Variants in TAF3 observed in about 807,000 individuals in gnomAD.
The protein encoded by TAF3 is transcription initiation factor TFIID subunit 3.
TAF3 carries 7 observed loss-of-function variants against 80.6 expected under a neutral mutation model. The ratio of observed to expected loss-of-function variants is 0.09; its 90% CI spans 0.05 to 0.16. The LOEUF (loss-of-function observed/expected upper bound fraction) is 0.16, where lower values mean the gene tolerates loss of function less well. Among genes scored for constraint, TAF3 ranks in the 10% least tolerant of loss-of-function variants. The probability of loss-of-function intolerance (pLI) is 1.00; values close to 1 mark genes in which losing one functional copy is unlikely to be tolerated. For missense variants in TAF3, 921 were observed against 1,140.2 expected (o/e 0.81, Z 2.77); for synonymous variants, 444 against 446.1 (o/e 1.00, Z 0.06).
intron 2 of TAF3, among the ~76,000 whole-genome samples, chr10:7,925,363 T>G (rs1837804686): frequency 6.6e-6 from 1 of 152,252 alleles, no homozygotes; most frequent in East Asian, 1.9e-4. Context: ...CACCTTGGCT[T>G]AGTTGTAGGC....
At chr10:8,013,921 C>A in intron 6 of TAF3, 84 bp downstream of exon 6, 1 of 1,197,082 alleles carries the variant, frequency 8.4e-7, no homozygotes, top group Non-Finnish European at 1.2e-6. Flanking sequence ...GAGTAGATTC[C>A]TGCCTTTGGA....
At chr10:7,942,097 A>G (rs1837981884) in intron 2 of TAF3, among the ~76,000 whole-genome samples, 1 of 152,126 alleles carries the variant, frequency 6.6e-6, no homozygotes, top group Non-Finnish European at 1.5e-5. Context: ...TGACAAGTTG[A>G]CATTTTTATT....
intron 2 of TAF3, among the ~76,000 whole-genome samples, chr10:7,854,693 A>C (rs1837061753): frequency 6.6e-6 from 1 of 152,138 alleles, no homozygotes; most frequent in Non-Finnish European, 1.5e-5. Flanking sequence ...CTAGGAAATC[A>C]GGAAGCTAGG....
intron 2 of TAF3, chr10:7,833,920 TG>T: frequency 1.7e-6 from 1 of 583,052 alleles, no homozygotes; most frequent in South Asian, 6.7e-5. Flanking sequence ...CGTGTGGAAG[TG>T]GGGCTTCAAG....
At position 7,937,430 on chromosome 10, in the gene TAF3, A is replaced by G. The variant is rs1311209014; in HGVS notation, c.410-26490A>G. Among the ~76,000 whole-genome samples the G allele has an allele frequency of 2.6e-5, 4 of 152,196 alleles. No homozygotes were observed. The East Asian group carries it at 5.8e-4, about 22-fold the overall frequency. On this transcript the variant is annotated intron_variant, in intron 2 of 6. Coordinates refer to ENST00000344293, the MANE Select transcript of TAF3 (RefSeq NM_031923.4). ...TTTTAATTTCCATTCTCCTAATAAC[A>G]TATAATGTGGAACATCTTTTCATCT...
At chr10:7,907,203 G>A (rs2131176445) in intron 2 of TAF3, among the ~76,000 whole-genome samples, 1 of 152,196 alleles carries the variant, frequency 6.6e-6, no homozygotes, top group South Asian at 2.1e-4. Context: ...CACCTGTGTT[G>A]GGGTGCAGTT....
At chr10:7,884,392 C>CTTTT (rs61498355) in intron 2 of TAF3, among the ~76,000 whole-genome samples, 2 of 120,500 alleles carry the variant, frequency 1.7e-5, no homozygotes, top group African/African-American at 5.7e-5. Context: ...GCTCTGCCTC[C>CTTTT]TTTTTTTTTT....
At chr10:7,824,631 G>C in intron 2 of TAF3, 71 bp downstream of exon 2, 1 of 1,512,932 alleles carries the variant, frequency 6.6e-7, no homozygotes, top group South Asian at 1.3e-5. Context: ...AGCTTTCCAT[G>C]CTATGTCAAC....
At chr10:7,958,941 T>C (rs1838162985) in intron 2 of TAF3, among the ~76,000 whole-genome samples, 1 of 152,154 alleles carries the variant, frequency 6.6e-6, no homozygotes, top group Non-Finnish European at 1.5e-5. Flanking sequence ...GAGACCATCC[T>C]GGCTAACATG....
At chr10:7,963,799 A>C (rs1831537260) in intron 2 of TAF3, 121 bp from the exon 3 acceptor site, 2 of 1,058,346 alleles carry the variant, frequency 1.9e-6, no homozygotes, top group Non-Finnish European at 2.6e-6. Flanking sequence ...CCTAGAACTT[A>C]AAGTATAATA....
intron 2 of TAF3, among the ~76,000 whole-genome samples, chr10:7,957,186 C>G (rs752515046): frequency 6.6e-6 from 1 of 152,118 alleles, no homozygotes; most frequent in Non-Finnish European, 1.5e-5. Flanking sequence ...AGCATTAATA[C>G]CTATCCAGAA....
At chr10:7,883,855 G>A (rs1025389504) in intron 2 of TAF3, among the ~76,000 whole-genome samples, 3 of 152,194 alleles carry the variant, frequency 2.0e-5, no homozygotes, top group Non-Finnish European at 4.4e-5. Flanking sequence ...ATGGCAGTTG[G>A]GAAGTACAAG....
Position 7,841,501 on chromosome 10 carries a change from C to T in TAF3, c.409+16941C>T, listed in dbSNP as rs61833211. ...CATCAGAGGTCTCTAACCTAGTGTG[C>T]TTACAGGAATAAGGGAATCAATGGA... On this transcript the variant is annotated intron_variant, in intron 2 of 6. Coordinates refer to ENST00000344293, the MANE Select transcript of TAF3 (RefSeq NM_031923.4). Among the ~76,000 whole-genome samples, 738 of 152,286 alleles carry T rather than the reference C, an allele frequency of 4.8e-3. 4 individuals carry two copies. Among genetic ancestry groups the T allele is most frequent in the Non-Finnish European group, 8.0e-3 (546 of 68,018 alleles).
In TAF3 at chr10:8,009,198, C is replaced by CGTGCCG. The variant is rs1481776617; in HGVS notation, c.2437_2442dup (p.Val813_Pro814dup). On this transcript the variant is annotated inframe_insertion, in exon 5 of 7. Transcript: ENST00000344293. This position sits in a 1 kb window ranked among gnomAD's most constrained non-coding sequence, Gnocchi z 4.1. ...GCCCCATGCTCGTCAGCCCTGCGCC[C>CGTGCCG]GTGCCGCTGCCGCTGCTCGCCCAGG... is the stretch of plus-strand genomic sequence containing the variant. 1.7e-5 allele frequency: 24 copies of CGTGCCG among 1,451,798 alleles called. No homozygotes were observed. The highest frequency in any genetic ancestry group is 2.1e-5 in the Non-Finnish European group (23 of 1,102,530). 89.9% of individuals were successfully genotyped at this position (1,451,798 alleles called of 1,614,324 possible).
chr10:7,861,365 C>G (rs557216273), intron 2 of TAF3, among the ~76,000 whole-genome samples: 15 of 151,902 alleles, frequency 9.9e-5, no homozygotes, highest in Non-Finnish European at 2.1e-4. Flanking sequence ...CTTGTCCTCC[C>G]AAAGTGCTGG....
intron 2 of TAF3, among the ~76,000 whole-genome samples, chr10:7,876,420 C>T (rs536146767): frequency 6.6e-6 from 1 of 152,208 alleles, no homozygotes; most frequent in East Asian, 1.9e-4. Flanking sequence ...GGGCCATAAG[C>T]AGGTATTTTA....
rs989804218 is a variant in TAF3 at position 7,818,557 on chromosome 10, T to C, written c.-153T>C. The C allele has an allele frequency of 6.4e-5, 49 of 762,856 alleles. No individual in the cohort carries two copies. The highest frequency in any genetic ancestry group is 8.1e-5 in the Non-Finnish European group (42 of 517,292). 47.3% of individuals were successfully genotyped at this position (762,856 alleles called of 1,614,324 possible). A position where few individuals can be genotyped will look rare whatever the true frequency, so the allele number is the denominator to read the frequency against. On this transcript the variant is annotated 5_prime_UTR_variant, in exon 1 of 7. Coordinates refer to ENST00000344293, the MANE Select transcript of TAF3 (RefSeq NM_031923.4). ...GCGGCTCTCAGGCTGGCGCGCTCCG[T>C]GCTGCTGGGGCTTTGAGGTGGTCGC...
At chr10:7,924,062 C>T in intron 2 of TAF3, among the ~76,000 whole-genome samples, 1 of 152,168 alleles carries the variant, frequency 6.6e-6, no homozygotes, top group Non-Finnish European at 1.5e-5. Context: ...ATAAAATTCT[C>T]TTTGCGCACA....
intron 2 of TAF3, among the ~76,000 whole-genome samples, chr10:7,858,381 C>A (rs193284980): frequency 1.3e-5 from 2 of 152,142 alleles, no homozygotes; most frequent in Non-Finnish European, 2.9e-5. Context: ...TTCTTCCTGG[C>A]GCTTGATCCT....
Sources: allele counts gnomAD v4.1 joint callset (sites outside exome capture counted in the v4.1 genomes callset), GRCh38; gene constraint gnomAD v4.1.1; non-coding constraint Gnocchi (gnomAD v3.1); transcripts MANE v1.5; gene names NCBI Gene and HGNC (gene_info 2026-07-23, HGNC 2026-07-21).